Variants in LSM14B observed in about 807,000 individuals in gnomAD.
LSM14B encodes the protein protein LSM14 homolog B.
A neutral mutation model predicts 42.1 loss-of-function variants in LSM14B; 8 were observed. The ratio of observed to expected loss-of-function variants is 0.19; its 90% CI spans 0.11 to 0.34. LSM14B has a LOEUF of 0.34. LSM14B is among the 10% of genes least tolerant of loss of function. LSM14B has a pLI of 1.00. For synonymous variants in LSM14B, 219 were observed against 209.7 expected (o/e 1.04, Z -0.38); for missense variants, 396 against 513.1 (o/e 0.77, Z 2.21).
At chr20:62,123,912 G>A (rs1365407335) in intron 1 of LSM14B, among the ~76,000 whole-genome samples, 1 of 152,200 alleles carries the variant, frequency 6.6e-6, no homozygotes, top group African/African-American at 2.4e-5. Context: ...CCCAGTTAGA[G>A]AAGCTGAGGC....
In LSM14B at chr20:62,122,901, G is replaced by T. The variant is rs553300646; in HGVS notation, c.127+108G>T. ...CCCCGGAGCCTGGCGCCCAGACCCC[G>T]CCCAGAACCCACCCAGGGCACACCC... is the stretch of plus-strand genomic sequence containing the variant. On this transcript the variant is annotated intron_variant, in intron 1 of 8. Transcript: ENST00000279068. The surrounding 1 kb of genome is among the most constrained non-coding windows in gnomAD (Gnocchi z 4.6). The T allele has an allele frequency of 5.5e-3, 5,620 of 1,015,496 alleles. 18 individuals carry two copies. Among genetic ancestry groups the T allele is most frequent in the Non-Finnish European group, 6.2e-3 (5,034 of 810,766 alleles). 62.9% of individuals were successfully genotyped at this position (1,015,496 alleles called of 1,614,324 possible).
At chr20:62,132,759 G>A (rs984954939) in intron 7 of LSM14B, among the ~76,000 whole-genome samples, 2 of 152,148 alleles carry the variant, frequency 1.3e-5, no homozygotes, top group Non-Finnish European at 2.9e-5. Flanking sequence ...AGTGCTGGGT[G>A]GGAGTGCTGG....
At chr20:62,125,794 AGACAC>A (rs1443481270) in intron 2 of LSM14B, among the ~76,000 whole-genome samples, 4 of 152,114 alleles carry the variant, frequency 2.6e-5, no homozygotes, top group Non-Finnish European at 2.9e-5. Context: ...TACATGGACA[AGACAC>A]CTGTAATCCC....
At position 62,135,203 on chromosome 20, in the gene LSM14B, CTAAACCCCTCTAATAGCTA is replaced by C. The variant is rs1405552841; in HGVS notation, c.*1060_*1078del. ...TTGTCGAAAATAAGCACCTTGGTAA[CTAAACCCCTCTAATAGCTA>C]TAAAGGCTTTAGTTCTGTATTGATT... On this transcript the variant is annotated 3_prime_UTR_variant, in exon 9 of 9. Transcript: ENST00000279068. The C allele has an allele frequency of 6.6e-6, 1 of 152,196 alleles. No individual in the cohort carries two copies. Among genetic ancestry groups the C allele is most frequent in the Non-Finnish European group, 1.5e-5 (1 of 68,036 alleles). 9.4% of individuals were successfully genotyped at this position (152,196 alleles called of 1,614,324 possible).
At chr20:62,123,240 AGTGTCCCGGCGTCTCCCGAAGGCTGGGG>A (rs1244534210) in intron 1 of LSM14B, 1 of 152,584 alleles carries the variant, frequency 6.6e-6, no homozygotes, top group Non-Finnish European at 1.5e-5. Flanking sequence ...TGGCGGGGCC[AGTGTCCCGGCGTCTCCCGAAGGCTGGGG>A]GTGGGGTCAC....
At position 62,134,431 on chromosome 20, in the gene LSM14B, G is replaced by T; in HGVS notation, c.*283G>T. 5 of 298,386 alleles carry T rather than the reference G, an allele frequency of 1.7e-5. No individual in the cohort carries two copies. The highest frequency in any genetic ancestry group is 1.3e-4 in the East Asian group (1 of 7,778). 18.5% of individuals were successfully genotyped at this position (298,386 alleles called of 1,614,324 possible). ...CCTAATTCTAAGGTTTTGGTATTTTGCAAAAAGGTTTCTATAGTGAAAGCT... is the reference window on the plus strand; with the variant it reads ...CCTAATTCTAAGGTTTTGGTATTTTTCAAAAAGGTTTCTATAGTGAAAGCT... On this transcript the variant is annotated 3_prime_UTR_variant, in exon 9 of 9. Transcript: ENST00000279068.
chr20:62,127,889 G>A (rs2056651272), intron 3 of LSM14B: 2 of 707,532 alleles, frequency 2.8e-6, no homozygotes, highest in African/African-American at 1.7e-5. Context: ...AAGGGATTAC[G>A]AAGAATCAGC....
Position 62,129,031 on chromosome 20 carries a change from A to G in LSM14B, c.428-754A>G, listed in dbSNP as rs763276142. 2.3e-6 allele frequency: 3 copies of G among 1,298,462 alleles called. No individual in the cohort carries two copies. The South Asian group carries it at 3.7e-5, about 16-fold the overall frequency. 80.4% of individuals were successfully genotyped at this position (1,298,462 alleles called of 1,614,324 possible). On this transcript the variant is annotated intron_variant, in intron 3 of 8. Coordinates refer to ENST00000279068, the MANE Select transcript of LSM14B (RefSeq NM_144703.3). ...CCTTGGAAAGGGAGGAGATGGAGAG[A>G]GGTGGGTGGTGCTTCCCATTTTCCT... is the stretch of plus-strand genomic sequence containing the variant.
At chr20:62,131,316 G>A in intron 6 of LSM14B, 40 bp from the exon 7 acceptor site, 1 of 1,557,438 alleles carries the variant, frequency 6.4e-7, no homozygotes, top group Non-Finnish European at 8.7e-7. Context: ...TGTGCGCTCT[G>A]CCCCTCCTCC....
Position 62,134,574 on chromosome 20 carries a change from C to T in LSM14B, c.*426C>T. 1 of 252,872 alleles carries T rather than the reference C, an allele frequency of 4.0e-6. No individual in the cohort carries two copies. Among genetic ancestry groups the T allele is most frequent in the Non-Finnish European group, 7.7e-6 (1 of 130,546 alleles). 15.7% of individuals were successfully genotyped at this position (252,872 alleles called of 1,614,324 possible). A position where few individuals can be genotyped will look rare whatever the true frequency, so the allele number is the denominator to read the frequency against. On this transcript the variant is annotated 3_prime_UTR_variant, in exon 9 of 9. Coordinates refer to ENST00000279068, the MANE Select transcript of LSM14B (RefSeq NM_144703.3). ...AGTACATCTCTGTAACCCAGCTGGCCCCTGGTGCTGTTGGCCTGGCACCCC... is the reference window on the plus strand; with the variant it reads ...AGTACATCTCTGTAACCCAGCTGGCTCCTGGTGCTGTTGGCCTGGCACCCC...
At chr20:62,126,254 G>A (rs746407571) in intron 2 of LSM14B, 50 bp from the exon 3 acceptor site, 18 of 1,613,184 alleles carry the variant, frequency 1.1e-5, no homozygotes, top group Non-Finnish European at 1.4e-5. Flanking sequence ...GAAGGCGTGC[G>A]GGGTGATGGG....
At chr20:62,131,182 G>A (rs757361894) in intron 6 of LSM14B, among the ~76,000 whole-genome samples, 174 bp from the exon 7 acceptor site, 2 of 152,186 alleles carry the variant, frequency 1.3e-5, no homozygotes, top group Non-Finnish European at 2.9e-5. Flanking sequence ...CAGCCCAGAC[G>A]GCAGAACGAG....
intron 1 of LSM14B, among the ~76,000 whole-genome samples, chr20:62,124,234 G>A (rs2056515546): frequency 6.6e-6 from 1 of 152,266 alleles, no homozygotes; most frequent in Non-Finnish European, 1.5e-5. Flanking sequence ...TGTGCGGTGA[G>A]GCTTTGGGCA....
rs778868341 is a variant in LSM14B at position 62,133,258 on chromosome 20, C to T, written c.987-32C>T. On this transcript the variant is annotated intron_variant, in intron 7 of 8. Coordinates refer to ENST00000279068, the MANE Select transcript of LSM14B (RefSeq NM_144703.3). The stretch of plus-strand genomic sequence containing the variant: ...TGGCCAGAAGCCTGGGAGTCAGTGC[C>T]TGCTACAATCAGCATTTCCTCTGTG... 3 of 1,608,758 alleles carry T rather than the reference C, an allele frequency of 1.9e-6. No individual in the cohort carries two copies. The African/African-American group carries it at 4.0e-5, about 22-fold the overall frequency.
rs776996639 is a variant in LSM14B, at chr20:62,122,825, C to G, written c.127+32C>G. The G allele has an allele frequency of 6.9e-7, 1 of 1,459,720 alleles. No individual in the cohort carries two copies. Among genetic ancestry groups the G allele is most frequent in the African/African-American group, 1.5e-5 (1 of 67,658 alleles). 90.4% of individuals were successfully genotyped at this position (1,459,720 alleles called of 1,614,324 possible). A position where few individuals can be genotyped will look rare whatever the true frequency, so the allele number is the denominator to read the frequency against. ...GCCGCCGCCCGCCCGAGCCCGCTGA[C>G]CCCCGTCCGCCAACAGCCCCGGCCT... On this transcript the variant is annotated intron_variant, in intron 1 of 8. Coordinates refer to ENST00000279068, the MANE Select transcript of LSM14B (RefSeq NM_144703.3). The surrounding 1 kb of genome is among the most constrained non-coding windows in gnomAD (Gnocchi z 4.6).
In LSM14B at chr20:62,122,599, C is replaced by T; in HGVS notation, c.-68C>T. ...AGGAGCGGGCGGCCAGGCCACCGCG[C>T]GGCGGCGGAGCGGGCCGCGGCCCGG... On this transcript the variant is annotated 5_prime_UTR_variant, in exon 1 of 9. Coordinates refer to ENST00000279068, the MANE Select transcript of LSM14B (RefSeq NM_144703.3). The surrounding 1 kb of genome is among the most constrained non-coding windows in gnomAD (Gnocchi z 4.6). 2 of 1,028,466 alleles carry T rather than the reference C, an allele frequency of 1.9e-6. No homozygotes were observed. Among genetic ancestry groups the T allele is most frequent in the South Asian group, 4.3e-5 (1 of 23,042 alleles). 63.7% of individuals were successfully genotyped at this position (1,028,466 alleles called of 1,614,324 possible). A position where few individuals can be genotyped will look rare whatever the true frequency, so the allele number is the denominator to read the frequency against.
At chr20:62,123,051 T>TTG (rs895112836) in intron 1 of LSM14B, 12 of 195,048 alleles carry the variant, frequency 6.2e-5, no homozygotes, top group Non-Finnish European at 1.2e-4. Context: ...GGCGGCGGGA[T>TTG]TGTGCGCGGG....
chr20:62,129,899 C>G lies in LSM14B; in HGVS notation c.542C>G (p.Thr181Arg). Residue 181 changes from threonine (T) to arginine (R), a missense_variant, in exon 4 of 9, where the codon ACA becomes AGA. Thr to Arg is a moderately conservative substitution (Grantham distance 71). Coordinates refer to ENST00000279068, the MANE Select transcript of LSM14B (RefSeq NM_144703.3). Reference sequence around the variant, plus strand: ...AAGCTGTTACCTGGCAAGGGCACCACAGGGACGCAGCTCAACGGTCGTCAG... The same window carrying G: ...AAGCTGTTACCTGGCAAGGGCACCAGAGGGACGCAGCTCAACGGTCGTCAG... ...AKKLLPGKGT[T>R]GTQLNGRQAQ... The G allele has an allele frequency of 6.2e-7, 1 of 1,613,540 alleles. No homozygotes were observed. Among genetic ancestry groups the G allele is most frequent in the Non-Finnish European group, 8.5e-7 (1 of 1,179,802 alleles).
chr20:62,130,344 T>TGA lies in LSM14B; in HGVS notation c.673+50_673+51dup, dbSNP rs1364692058. ...TTCTGGGGACCACGAGTGATCAGGC[T>TGA]GAGCTCTGCTTGCCCTCCTGCCTGC... On this transcript the variant is annotated intron_variant, in intron 5 of 8. Transcript: ENST00000279068. The surrounding 1 kb of genome is among the most constrained non-coding windows in gnomAD (Gnocchi z 4.1). 6.4e-7 allele frequency: 1 copy of TGA among 1,556,080 alleles called. No individual in the cohort carries two copies. Among genetic ancestry groups the TGA allele is most frequent in the South Asian group, 1.2e-5 (1 of 84,632 alleles).
Sources: allele counts gnomAD v4.1 joint callset (sites outside exome capture counted in the v4.1 genomes callset), GRCh38; gene constraint gnomAD v4.1.1; non-coding constraint Gnocchi (gnomAD v3.1); transcripts MANE v1.5; gene names NCBI Gene and HGNC (gene_info 2026-07-23, HGNC 2026-07-21).